The following BIRC6 variants were observed in gnomAD, a reference collection of about 807,000 sequenced individuals.
BIRC6 encodes baculoviral IAP repeat containing 6.
BIRC6 carries 98 observed loss-of-function variants against 503.3 expected under a neutral mutation model. The ratio of observed to expected loss-of-function variants is 0.19; its 90% confidence interval spans 0.17 to 0.23. The LOEUF (loss-of-function observed/expected upper bound fraction) is 0.23. Among genes scored for constraint, BIRC6 ranks in the 10% least tolerant of loss-of-function variants. The probability of loss-of-function intolerance (pLI) is 1.00; values close to 1 mark genes in which losing one functional copy is unlikely to be tolerated. For missense variants in BIRC6, 5,360 were observed against 5,806.0 expected (o/e 0.92, Z 2.50); for synonymous variants, 2,240 against 2,078.7 (o/e 1.08, Z -2.11).
intron 56 of BIRC6, 79 bp from the exon 57 acceptor site, chr2:32,518,738 A>G: frequency 6.9e-7 from 1 of 1,446,760 alleles, no homozygotes; most frequent in Non-Finnish European, 9.5e-7. Context: ...TTTTATTCTT[A>G]GATGCTTTTG....
Position 32,448,831 on chromosome 2 carries a change from C to G in BIRC6, c.4521C>G (p.Leu1507=). ...GLYSSPFDPV[L]FDLEMSGSSC... is the part of the protein sequence containing the mutation. ...ATAGCTCACCATTTGATCCAGTCCTCTTTGATTTGGAGATGAGTGGCTCTT... is the reference window on the plus strand; with the variant it reads ...ATAGCTCACCATTTGATCCAGTCCTGTTTGATTTGGAGATGAGTGGCTCTT... Residue 1507 remains leucine, a synonymous_variant, in exon 22 of 74, where the codon CTC becomes CTG. Transcript: ENST00000421745. The G allele has an allele frequency of 6.2e-7, 1 of 1,613,462 alleles. No homozygotes were observed. The highest frequency in any genetic ancestry group is 8.5e-7 in the Non-Finnish European group (1 of 1,179,560).
At chr2:32,481,995 T>C (rs2050457477) in intron 38 of BIRC6, among the ~76,000 whole-genome samples, 1 of 152,312 alleles carries the variant, frequency 6.6e-6, no homozygotes, top group Non-Finnish European at 1.5e-5. Context: ...CTCATAATTA[T>C]CATACAATAA....
chr2:32,495,507 A>G (rs578227172), intron 45 of BIRC6, among the ~76,000 whole-genome samples: 23 of 152,344 alleles, frequency 1.5e-4, no homozygotes, highest in African/African-American at 5.3e-4. Context: ...GGTATAAAGA[A>G]GGCATTCAGT....
chr2:32,504,785 C>T lies in BIRC6; in HGVS notation c.9500-220C>T, dbSNP rs550040710. 7.9e-5 allele frequency among the ~76,000 whole-genome samples: 12 copies of T among 152,226 alleles called. No individual in the cohort carries two copies. In the South Asian group the frequency reaches 2.1e-3, roughly 26 times the overall value. On this transcript the variant is annotated intron_variant, in intron 49 of 73. Coordinates refer to ENST00000421745, the MANE Select transcript of BIRC6 (RefSeq NM_016252.4). ...GTGTATCATATGAGTACAAAGTAGA[C>T]AGCAGTTAATAATGAACTTGTCACC...
chr2:32,611,019 C>T (rs1237746243), intron 72 of BIRC6, among the ~76,000 whole-genome samples: 1 of 152,208 alleles, frequency 6.6e-6, no homozygotes, highest in Non-Finnish European at 1.5e-5. Context: ...GCCACCACAC[C>T]GGGCCATAAA....
Position 32,488,704 on chromosome 2 carries a change from A to T in BIRC6, c.8085A>T (p.Ser2695=), listed in dbSNP as rs1308843909. The T allele has an allele frequency of 2.1e-6, 3 of 1,412,540 alleles. No individual in the cohort carries two copies. In the African/African-American group the frequency reaches 4.4e-5, roughly 21 times the overall value. The allele number at this position is 1,412,540 out of a possible 1,614,324, so 87.5% of individuals were successfully genotyped here. A position where few individuals can be genotyped will look rare whatever the true frequency, so the allele number is the denominator to read the frequency against. The part of the protein sequence containing the change: ...LYNANRIPVI[S]LNQASITSFL... ...ATGCTAATAGGATACCTGTTATTTC[A>T]TTAAATCAAGGTAAGATTTATTAGG... Residue 2695 remains serine (S), a synonymous_variant, in exon 42 of 74, where the codon TCA becomes TCT. Coordinates refer to ENST00000421745, the MANE Select transcript of BIRC6 (RefSeq NM_016252.4).
In BIRC6 at chr2:32,512,968, C is replaced by G. The variant is rs765096605; in HGVS notation, c.10382C>G (p.Ala3461Gly). The G allele has an allele frequency of 1.9e-6, 3 of 1,613,820 alleles. No homozygotes were observed. The African/African-American group carries it at 4.0e-5, about 22-fold the overall frequency. The change falls in exon 54 of 74, where the codon GCA becomes GGA. Residue 3461 changes from alanine to glycine, a missense_variant. This residue lies in a region of BIRC6 where 878 missense variants were observed against 928.9 expected (regional missense o/e 0.95). Coordinates refer to ENST00000421745, the MANE Select transcript of BIRC6 (RefSeq NM_016252.4). The part of the protein sequence containing the change: ...QALLKWVSDS[A>G]RVAAMKRSGR... ...TTGTTAAAATGGGTTAGTGATTCTG[C>G]AAGAGTGGCTGCTATGAAGAGAAGT...
intron 3 of BIRC6, among the ~76,000 whole-genome samples, chr2:32,386,254 ACTAC>A (rs2038441734): frequency 6.6e-6 from 1 of 152,162 alleles, no homozygotes. Flanking sequence ...TAGAACTGTA[ACTAC>A]CTACCAGATA....
intron 3 of BIRC6, among the ~76,000 whole-genome samples, chr2:32,384,370 G>A (rs2038135767): frequency 6.6e-6 from 1 of 151,398 alleles, no homozygotes; most frequent in African/African-American, 2.4e-5. Flanking sequence ...AAGACCAGTG[G>A]AAAAAAGATT....
At chr2:32,498,622 C>T (rs2052778539) in intron 45 of BIRC6, among the ~76,000 whole-genome samples, 1 of 152,040 alleles carries the variant, frequency 6.6e-6, no homozygotes, top group Admixed American at 6.6e-5. Context: ...GACTTTCGCT[C>T]TGTCACCCAG....
intron 45 of BIRC6, among the ~76,000 whole-genome samples, chr2:32,499,043 A>G (rs1423450306): frequency 6.6e-6 from 1 of 152,120 alleles, no homozygotes; most frequent in Non-Finnish European, 1.5e-5. Context: ...TTGCTGTTAG[A>G]CTGACTTGCT....
chr2:32,368,668 T>A (rs947303550), intron 1 of BIRC6, among the ~76,000 whole-genome samples: 3 of 152,122 alleles, frequency 2.0e-5, no homozygotes, highest in Non-Finnish European at 4.4e-5. Context: ...CTGTCCCCTT[T>A]TGAAACGGAG....
At chr2:32,540,068 C>T (rs764160891) in intron 61 of BIRC6, among the ~76,000 whole-genome samples, 2 of 151,934 alleles carry the variant, frequency 1.3e-5, no homozygotes, top group Non-Finnish European at 2.9e-5. Context: ...AAAAACACAA[C>T]CAGAATCAGT....
At chr2:32,590,655 T>A (rs2061338148) in intron 66 of BIRC6, among the ~76,000 whole-genome samples, 1 of 152,220 alleles carries the variant, frequency 6.6e-6, no homozygotes, top group Non-Finnish European at 1.5e-5. Context: ...TTTGCCCATT[T>A]TGCTCACATC....
chr2:32,375,901 G>A (rs572829776), intron 1 of BIRC6, among the ~76,000 whole-genome samples: 1 of 151,998 alleles, frequency 6.6e-6, no homozygotes, highest in Non-Finnish European at 1.5e-5. Flanking sequence ...AAATACATGA[G>A]ATGGCCGGGC....
rs1262956360 is a variant in BIRC6 at position 32,474,539 on chromosome 2, AT to A, written c.6720+1302del. Among the ~76,000 whole-genome samples, 8 of 152,180 alleles carry A rather than the reference AT, an allele frequency of 5.3e-5. No individual in the cohort carries two copies. In the East Asian group the frequency reaches 1.5e-3, roughly 29 times the overall value. ...GGATAATTGGTGGTCAGGTGTCAGT[AT>A]TACTTCTCTCATTTTGATGGTTGTA... On this transcript the variant is annotated intron_variant, in intron 33 of 73. Coordinates refer to ENST00000421745, the MANE Select transcript of BIRC6 (RefSeq NM_016252.4).
chr2:32,388,728 T>G (rs765561232), intron 3 of BIRC6, 22 bp from the exon 4 acceptor site: 30 of 1,546,390 alleles, frequency 1.9e-5, no homozygotes, highest in Non-Finnish European at 2.5e-5. Flanking sequence ...TTTCCTTTGC[T>G]TATACTCCCA....
At position 32,463,376 on chromosome 2, in the gene BIRC6, C is replaced by G. The variant is rs1029692276; in HGVS notation, c.4936C>G (p.Gln1646Glu). 1.9e-6 allele frequency: 3 copies of G among 1,610,564 alleles called. No individual in the cohort carries two copies. The highest frequency in any genetic ancestry group is 2.5e-6 in the Non-Finnish European group (3 of 1,178,366). Residue 1646 changes from glutamine to glutamate, a missense_variant, in exon 24 of 74, where the codon CAA becomes GAA. Gln to Glu is a conservative substitution (Grantham distance 29). This residue lies in a region of BIRC6 where 2,299 missense variants were observed against 2,267.2 expected (regional missense o/e 1.01). Transcript: ENST00000421745. ...ACAGCAGCAGCTTTTGAAGCTTCAG[C>G]AACAGGTTGGAGACTATTTGGCTCT... ...EKQQQLLKLQQQKAKLEAKLH... is the reference protein window; with the variant it reads ...EKQQQLLKLQEQKAKLEAKLH...
At chr2:32,580,716 T>G (rs367754657) in intron 66 of BIRC6, among the ~76,000 whole-genome samples, 3 of 152,318 alleles carry the variant, frequency 2.0e-5, no homozygotes, top group African/African-American at 4.8e-5. Flanking sequence ...GAAGAGACTT[T>G]CATCTGTTTT....
Sources: gnomAD v4.1 joint callset for allele counts (sites outside exome capture counted in the v4.1 genomes callset) on GRCh38, gnomAD v4.1.1 for gene constraint, gnomAD v4.1.1 regional missense constraint, MANE v1.5 for transcripts, NCBI Gene and HGNC (gene_info 2026-07-23, HGNC 2026-07-21) for gene names.